CDC14B: variants seen among roughly 807,000 people sequenced by gnomAD.
CDC14B encodes dual specificity protein phosphatase CDC14B.
Under a neutral mutation model 64.2 loss-of-function variants are expected in CDC14B, and 22 were observed. That is an observed-to-expected ratio of 0.34 (90% CI 0.24 to 0.49). The LOEUF (loss-of-function observed/expected upper bound fraction) is 0.49. Among genes scored for constraint, CDC14B ranks in the 20% least tolerant of loss-of-function variants. CDC14B has a pLI of 0.99. For missense variants in CDC14B, 498 were observed against 629.9 expected, an observed-to-expected ratio of 0.79 and a Z score of 2.24; for synonymous variants, 191 against 215.8, an observed-to-expected ratio of 0.89 and a Z score of 1.01.
At chr9:96,529,675 T>C (rs941427736) in intron 9 of CDC14B, among the ~76,000 whole-genome samples, 3 of 151,904 alleles carry the variant, frequency 2.0e-5, no homozygotes, top group African/African-American at 7.3e-5. Flanking sequence ...TATTTTTTAG[T>C]AGAGATGGGG....
At chr9:96,514,120 A>G (rs1835284602) in intron 12 of CDC14B, among the ~76,000 whole-genome samples, 1 of 152,216 alleles carries the variant, frequency 6.6e-6, no homozygotes, top group African/African-American at 2.4e-5. Flanking sequence ...GTCTAGAAAT[A>G]CAATGGCAAA....
intron 12 of CDC14B, chr9:96,514,783 C>T (rs1835398652): frequency 1.0e-6 from 1 of 985,486 alleles, no homozygotes; most frequent in Non-Finnish European, 1.2e-6. Flanking sequence ...CACGGACACA[C>T]CCGCCTTCTG....
chr9:96,521,194 C>T (rs933867191), intron 12 of CDC14B, among the ~76,000 whole-genome samples: 1 of 152,114 alleles, frequency 6.6e-6, no homozygotes, highest in African/African-American at 2.4e-5. Flanking sequence ...CTCACCCTCC[C>T]GAGTAGCTGG....
chr9:96,514,266 C>T (rs1835306951), intron 12 of CDC14B: 1 of 252,396 alleles, frequency 4.0e-6, no homozygotes, highest in Admixed American at 6.5e-5. Flanking sequence ...TTTGCAACTG[C>T]TCCACCCATT....
Position 96,577,947 on chromosome 9 carries a change from A to C in CDC14B, c.161-12464T>G, listed in dbSNP as rs1176674351. On this transcript the variant is annotated intron_variant, in intron 1 of 13. Coordinates refer to ENST00000375241, the MANE Select transcript of CDC14B (RefSeq NM_033331.4). ...AGAGTGCCTGAGGCTACAGCCACAC[A>C]CATCACAAACAATGCTCACAAACAT... 2.0e-5 allele frequency among the ~76,000 whole-genome samples: 3 copies of C among 152,240 alleles called. No individual in the cohort carries two copies. The East Asian group carries it at 5.8e-4, about 29-fold the overall frequency.
At chr9:96,491,667 A>T (rs951638096) in exon 14 of CDC14B, 5 of 152,230 alleles carry the variant, frequency 3.3e-5, no homozygotes, top group African/African-American at 1.2e-4. Context: ...TTTGAAGATT[A>T]GCCAGAGAGC....
downstream of CDC14B, among the ~76,000 whole-genome samples, chr9:96,497,137 C>A (rs1233132004): frequency 6.6e-6 from 1 of 152,236 alleles, no homozygotes; most frequent in East Asian, 1.9e-4. Context: ...GAGTCGTCTA[C>A]CCCTTTAGAA....
chr9:96,522,463 C>T (rs757629534), intron 12 of CDC14B, 43 bp downstream of exon 12: 4 of 1,274,410 alleles, frequency 3.1e-6, no homozygotes, highest in African/African-American at 2.9e-5. Context: ...ACCCCACACA[C>T]ATATGAAGAA....
chr9:96,580,153 T>G (rs1446969641), intron 1 of CDC14B, among the ~76,000 whole-genome samples: 1 of 151,948 alleles, frequency 6.6e-6, no homozygotes, highest in Non-Finnish European at 1.5e-5. Flanking sequence ...ATAATGAAAT[T>G]TCATTTCATG....
intron 12 of CDC14B, among the ~76,000 whole-genome samples, chr9:96,513,151 T>C (rs556902046): frequency 1.3e-5 from 2 of 152,326 alleles, no homozygotes; most frequent in East Asian, 3.9e-4. Flanking sequence ...ACTAATATAA[T>C]AATAATATTA....
rs1023280766 is a variant in CDC14B at position 96,495,036 on chromosome 9, G to A, written c.*80+1171C>T. Among the ~76,000 whole-genome samples, 10 of 151,678 alleles carry A rather than the reference G, an allele frequency of 6.6e-5. No individual in the cohort carries two copies. In the East Asian group the frequency reaches 9.8e-4, roughly 15 times the overall value. On this transcript the variant is annotated intron_variant and NMD_transcript_variant, in intron 13 of 13. Transcript: ENST00000474602. ...TTTTTAGTAGAGACGGGGTTTCACC[G>A]TGTTAGCCAGGATGGGCTCGATCTC...
chr9:96,527,817 G>A (rs1386181210), intron 9 of CDC14B, among the ~76,000 whole-genome samples: 5 of 151,846 alleles, frequency 3.3e-5, no homozygotes, highest in South Asian at 2.1e-4. Flanking sequence ...GGGTTTCACC[G>A]TGTTAGCCAG....
intron 1 of CDC14B, among the ~76,000 whole-genome samples, chr9:96,570,207 CTG>C (rs1230982549): frequency 1.3e-5 from 2 of 152,136 alleles, no homozygotes; most frequent in Non-Finnish European, 2.9e-5. Context: ...TAGCAAATAT[CTG>C]TTAAATTTGA....
At chr9:96,600,232 C>G (rs1312997525) in intron 1 of CDC14B, among the ~76,000 whole-genome samples, 1 of 148,196 alleles carries the variant, frequency 6.7e-6, no homozygotes, top group Non-Finnish European at 1.5e-5. Flanking sequence ...CCATCTCTAC[C>G]AAAAAAATTA....
intron 1 of CDC14B, among the ~76,000 whole-genome samples, chr9:96,599,065 T>C (rs1291795817): frequency 1.3e-5 from 2 of 152,206 alleles, no homozygotes; most frequent in East Asian, 3.8e-4. Context: ...CAATTATAAT[T>C]GGCAGCATTT....
At chr9:96,569,373 A>AGGG (rs1209978667) in intron 1 of CDC14B, among the ~76,000 whole-genome samples, 3 of 151,574 alleles carry the variant, frequency 2.0e-5, no homozygotes, top group Non-Finnish European at 2.9e-5. Context: ...CTTTCAAAAA[A>AGGG]CCCAATTGAA....
chr9:96,601,138 C>CA lies in CDC14B; in HGVS notation c.160+18080dup, dbSNP rs535181878. 1.8e-4 allele frequency among the ~76,000 whole-genome samples: 26 copies of CA among 147,718 alleles called. 1 individual carries two copies. In the East Asian group the frequency reaches 3.2e-3, roughly 18 times the overall value. On this transcript the variant is annotated intron_variant, in intron 1 of 13. Coordinates refer to ENST00000375241, the MANE Select transcript of CDC14B (RefSeq NM_033331.4). ...TATGCGACATAGCAAGACTCCCTCT[C>CA]AAAAAAAAAAGTGTATTTCTCTATA... is the stretch of plus-strand genomic sequence containing the variant.
At chr9:96,573,277 C>A (rs1844582183) in intron 1 of CDC14B, among the ~76,000 whole-genome samples, 1 of 152,172 alleles carries the variant, frequency 6.6e-6, no homozygotes, top group African/African-American at 2.4e-5. Context: ...TGCCACTCAA[C>A]TCCAGCCTGG....
intron 1 of CDC14B, among the ~76,000 whole-genome samples, chr9:96,610,118 CA>C (rs1284601095): frequency 3.3e-5 from 5 of 152,118 alleles, no homozygotes; most frequent in African/African-American, 9.7e-5. Context: ...CACACACACA[CA>C]CCCATTCAGA....
Sources: allele counts gnomAD v4.1 joint callset (sites outside exome capture counted in the v4.1 genomes callset), GRCh38; gene constraint gnomAD v4.1.1; transcripts MANE v1.5; gene names NCBI Gene and HGNC (gene_info 2026-07-23, HGNC 2026-07-21).